Variants in SLC9B2 observed in about 807,000 individuals in gnomAD.
The protein encoded by SLC9B2 is solute carrier family 9 member B2.
In SLC9B2, 39 loss-of-function variants were observed where a neutral mutation model predicts 52.2. That is an observed-to-expected ratio of 0.75 (90% CI 0.58 to 0.98). The LOEUF is 0.98. Among genes scored for constraint, SLC9B2 ranks in the 50% least tolerant of loss-of-function variants. The probability of loss-of-function intolerance (pLI) is 0.00; values close to 1 mark genes in which losing one functional copy is unlikely to be tolerated. For synonymous variants in SLC9B2, 214 were observed against 227.0 expected (o/e 0.94, Z 0.51); for missense variants, 626 against 637.5 (o/e 0.98, Z 0.19).
chr4:103,052,353 C>T (rs569628740), intron 4 of SLC9B2, among the ~76,000 whole-genome samples: 21 of 152,368 alleles, frequency 1.4e-4, no homozygotes, highest in Middle Eastern at 3.4e-3. Flanking sequence ...CCTCCTGCCA[C>T]GGCCCGGGGC....
intron 4 of SLC9B2, among the ~76,000 whole-genome samples, chr4:103,050,850 T>C (rs1428051686): frequency 1.3e-5 from 2 of 152,228 alleles, no homozygotes; most frequent in African/African-American, 4.8e-5. Context: ...AGGTTTTAGA[T>C]GTCAATTATG....
chr4:103,073,744 A>G (rs567713279), intron 1 of SLC9B2, among the ~76,000 whole-genome samples: 5 of 152,218 alleles, frequency 3.3e-5, no homozygotes, highest in Non-Finnish European at 5.9e-5. Context: ...CATCCTTTCT[A>G]TTCTCTCTCC....
chr4:103,043,518 C>G (rs1007481667), intron 8 of SLC9B2, 73 bp from the exon 9 acceptor site: 2 of 1,364,410 alleles, frequency 1.5e-6, no homozygotes, highest in African/African-American at 3.0e-5. Flanking sequence ...TTTTCCATAT[C>G]TAGGATTTAG....
rs190808464 is a variant in SLC9B2 at position 103,071,217 on chromosome 4, T to G, written c.-42-3625A>C. On this transcript the variant is annotated intron_variant, in intron 1 of 11. Transcript: ENST00000394785. ...ATATTTTGTTGTTGTTGTTGTTGTT[T>G]TTTTGAGATGGATTCTCGCTCTGTC... Among the ~76,000 whole-genome samples, 624 of 152,014 alleles carry G rather than the reference T, an allele frequency of 4.1e-3. 2 individuals are homozygous for G. Among genetic ancestry groups the G allele is most frequent in the African/African-American group, 0.013 (538 of 41,440 alleles).
chr4:103,070,098 G>C (rs1446445454), intron 1 of SLC9B2, among the ~76,000 whole-genome samples: 1 of 152,148 alleles, frequency 6.6e-6, no homozygotes, highest in Non-Finnish European at 1.5e-5. Flanking sequence ...AGGGTAAAAT[G>C]AAATACATGT....
At chr4:103,060,079 T>C (rs1716523910) in intron 3 of SLC9B2, among the ~76,000 whole-genome samples, 1 of 152,098 alleles carries the variant, frequency 6.6e-6, no homozygotes, top group Non-Finnish European at 1.5e-5. Context: ...TTCAGTATGA[T>C]GTGTTTAGGT....
chr4:103,025,751 G>A lies in SLC9B2; in HGVS notation c.*619C>T, dbSNP rs1419151874. 3 of 152,220 alleles carry A rather than the reference G, an allele frequency of 2.0e-5. No individual in the cohort carries two copies. The highest frequency in any genetic ancestry group is 4.4e-5 in the Non-Finnish European group (3 of 68,132). The allele number at this position is 152,220 out of a possible 1,614,324, so 9.4% of individuals were successfully genotyped here. ...AACCTGGGTGGTCAGCTAGGGGGCA[G>A]GATAAAGTTTTTTGACATCTGGAGG... On this transcript the variant is annotated 3_prime_UTR_variant, in exon 12 of 12. Coordinates refer to ENST00000394785, the MANE Select transcript of SLC9B2 (RefSeq NM_178833.7).
intron 1 of SLC9B2, among the ~76,000 whole-genome samples, chr4:103,075,290 C>T (rs1747018359): frequency 6.6e-6 from 1 of 152,114 alleles, no homozygotes; most frequent in South Asian, 2.1e-4. Flanking sequence ...GCTGGAATTA[C>T]GGGCGTGCAC....
At chr4:103,058,633 C>G (rs1257117403) in intron 3 of SLC9B2, among the ~76,000 whole-genome samples, 1 of 152,178 alleles carries the variant, frequency 6.6e-6, no homozygotes, top group East Asian at 1.9e-4. Flanking sequence ...AAGTCTTGAG[C>G]TCAAGTGATC....
intron 7 of SLC9B2, among the ~76,000 whole-genome samples, chr4:103,045,944 T>G (rs1346503860): frequency 6.6e-6 from 1 of 152,194 alleles, no homozygotes; most frequent in Non-Finnish European, 1.5e-5. Flanking sequence ...TTTGGGTATG[T>G]GTAGTAGCAT....
At chr4:103,057,267 T>TATATATACACACACACACACAC (rs1267273173) in intron 4 of SLC9B2, among the ~76,000 whole-genome samples, 2 of 107,222 alleles carry the variant, frequency 1.9e-5, no homozygotes, top group Non-Finnish European at 2.0e-5. Context: ...TATATATATA[T>TATATATACACACACACACACAC]ATATATACAC....
At chr4:103,053,538 A>G (rs185604357) in intron 4 of SLC9B2, among the ~76,000 whole-genome samples, 2 of 152,312 alleles carry the variant, frequency 1.3e-5, no homozygotes, top group African/African-American at 4.8e-5. Flanking sequence ...GGAGTGAAAA[A>G]AAGACAAATG....
rs1320741686 is a variant in SLC9B2, at chr4:103,022,293, A to G, written c.*4077T>C. ...GTCTGTTTTATTCATTGCAAAATGA[A>G]TATCTGAATATAAACATGAAGGCTT... On this transcript the variant is annotated 3_prime_UTR_variant, in exon 12 of 12. Transcript: ENST00000394785. 6.6e-6 allele frequency among the ~76,000 whole-genome samples: 1 copy of G among 152,208 alleles called. No homozygotes were observed. The highest frequency in any genetic ancestry group is 2.4e-5 in the African/African-American group (1 of 41,460).
downstream of SLC9B2, among the ~76,000 whole-genome samples, chr4:103,018,942 T>A (rs1741572916): frequency 6.6e-6 from 1 of 152,202 alleles, no homozygotes; most frequent in African/African-American, 2.4e-5. Context: ...GACCTGATTA[T>A]GAACTGCGCA....
In SLC9B2 at chr4:103,026,444, G is replaced by A; in HGVS notation, c.1540C>T (p.Pro514Ser). The change falls in exon 12 of 12, where the codon CCC (proline) becomes TCC (serine). Residue 514 changes from proline to serine, a missense_variant. Pro to Ser is a moderately conservative substitution (Grantham distance 74). Transcript: ENST00000394785. ...TGTTCAACTTTCTGCAGAAGCCTGG[G>A]GCCCAGTAAACCAATAAGCAGACTT... ...IGSLLIGLLG[P>S]RLLQKVEHQN... is the part of the protein sequence containing the mutation. 1 of 1,613,746 alleles carries A rather than the reference G, an allele frequency of 6.2e-7. No individual in the cohort carries two copies. Among genetic ancestry groups the A allele is most frequent in the Non-Finnish European group, 8.5e-7 (1 of 1,179,872 alleles).
rs975615478 is a variant in SLC9B2, at chr4:103,024,899, C to T, written c.*1471G>A. Among the ~76,000 whole-genome samples the T allele has an allele frequency of 6.6e-6, 1 of 152,212 alleles. No homozygotes were observed. Among genetic ancestry groups the T allele is most frequent in the Non-Finnish European group, 1.5e-5 (1 of 68,030 alleles). Reference sequence around the variant, plus strand: ...GTAAGTCTTTCTTCTAATATTTTCTCTGCTGGCAAGTCACAATTTCTGAAA... The same window carrying T: ...GTAAGTCTTTCTTCTAATATTTTCTTTGCTGGCAAGTCACAATTTCTGAAA... On this transcript the variant is annotated 3_prime_UTR_variant, in exon 12 of 12. Coordinates refer to ENST00000394785, the MANE Select transcript of SLC9B2 (RefSeq NM_178833.7).
At chr4:103,029,398 C>T (rs1173870101) in intron 10 of SLC9B2, among the ~76,000 whole-genome samples, 1 of 151,942 alleles carries the variant, frequency 6.6e-6, no homozygotes, top group African/African-American at 2.4e-5. Flanking sequence ...CCCAAAAAGT[C>T]AATAATTCTT....
chr4:103,069,438 C>A (rs1276744443), intron 1 of SLC9B2, among the ~76,000 whole-genome samples: 1 of 152,174 alleles, frequency 6.6e-6, no homozygotes, highest in African/African-American at 2.4e-5. Context: ...AATTGCTTAA[C>A]CTCTTTGTGA....
At chr4:103,018,813 G>T (rs1741558861), downstream of SLC9B2, among the ~76,000 whole-genome samples, 1 of 152,164 alleles carries the variant, frequency 6.6e-6, no homozygotes. Context: ...CAGCAGACAG[G>T]TACAGGTTTG....
Sources: gnomAD v4.1 joint callset for allele counts (sites outside exome capture counted in the v4.1 genomes callset) on GRCh38, gnomAD v4.1.1 for gene constraint, MANE v1.5 for transcripts, NCBI Gene and HGNC (gene_info 2026-07-23, HGNC 2026-07-21) for gene names.